Variants in SH3GL2 observed in about 807,000 individuals in gnomAD.
SH3GL2 encodes SH3 domain containing GRB2 like 2, endophilin A1.
Under a neutral mutation model 46.0 loss-of-function variants are expected in SH3GL2, and 24 were observed. The ratio of observed to expected loss-of-function variants is 0.52; its 90% CI spans 0.38 to 0.73. SH3GL2 has a LOEUF of 0.73. SH3GL2 is among the 30% of genes least tolerant of loss of function. The pLI is 0.00. For synonymous variants in SH3GL2, 196 were observed against 147.1 expected (o/e 1.33, Z -2.40); for missense variants, 413 against 424.2 (o/e 0.97, Z 0.23).
chr9:17,593,753 AG>A (rs1464655953), intron 1 of SH3GL2, among the ~76,000 whole-genome samples: 1 of 152,180 alleles, frequency 6.6e-6, no homozygotes, highest in African/African-American at 2.4e-5. Context: ...TTCAGAAAGG[AG>A]GTAGACATGT....
chr9:17,642,539 A>G (rs1819709820), intron 1 of SH3GL2, among the ~76,000 whole-genome samples: 1 of 152,208 alleles, frequency 6.6e-6, no homozygotes, highest in South Asian at 2.1e-4. Flanking sequence ...ATAAGTTGTA[A>G]GGAAGGGGTC....
intron 1 of SH3GL2, among the ~76,000 whole-genome samples, chr9:17,599,731 G>A (rs1353772029): frequency 3.3e-5 from 5 of 152,168 alleles, no homozygotes; most frequent in Admixed American, 6.5e-5. Flanking sequence ...ATGTAAAATT[G>A]TGGGTGTGGC....
rs576168976 is a variant in SH3GL2 at position 17,607,796 on chromosome 9, C to T, written c.45+28509C>T. On this transcript the variant is annotated intron_variant, in intron 1 of 8. Coordinates refer to ENST00000380607, the MANE Select transcript of SH3GL2 (RefSeq NM_003026.5). ...CTTTTTGATTGTGTTTTGTTTCATCCGTAGCAGAATTGCCTAGATTGAAAT... is the reference window on the plus strand; with the variant it reads ...CTTTTTGATTGTGTTTTGTTTCATCTGTAGCAGAATTGCCTAGATTGAAAT... Among the ~76,000 whole-genome samples the T allele has an allele frequency of 7.9e-5, 12 of 152,088 alleles. No homozygotes were observed. The East Asian group carries it at 9.7e-4, about 12-fold the overall frequency.
chr9:17,701,671 A>T lies in SH3GL2; in HGVS notation c.46-45395A>T, dbSNP rs576311980. On this transcript the variant is annotated intron_variant, in intron 1 of 8. Coordinates refer to ENST00000380607, the MANE Select transcript of SH3GL2 (RefSeq NM_003026.5). ...CCTACATAGATGCGAACAGCCACCAATTAGAAGATATCGTGGAAGGAAAGA... is the reference window on the plus strand; with the variant it reads ...CCTACATAGATGCGAACAGCCACCATTTAGAAGATATCGTGGAAGGAAAGA... 2.6e-5 allele frequency among the ~76,000 whole-genome samples: 4 copies of T among 152,318 alleles called. 1 individual carries two copies. The highest frequency in any genetic ancestry group is 9.6e-5 in the African/African-American group (4 of 41,576).
intron 1 of SH3GL2, among the ~76,000 whole-genome samples, chr9:17,641,179 T>A (rs1434629638): frequency 6.6e-6 from 1 of 152,160 alleles, no homozygotes; most frequent in Admixed American, 6.5e-5. Context: ...GAGTTGAATA[T>A]TATAGTTTAG....
intron 3 of SH3GL2, among the ~76,000 whole-genome samples, chr9:17,767,758 T>C (rs998510906): frequency 7.9e-5 from 12 of 152,128 alleles, no homozygotes; most frequent in Admixed American, 3.3e-4. Flanking sequence ...ATAATCAAAA[T>C]GCATAAAGGA....
intron 1 of SH3GL2, among the ~76,000 whole-genome samples, chr9:17,580,248 C>T (rs1818253050): frequency 6.6e-6 from 1 of 152,070 alleles, no homozygotes; most frequent in Admixed American, 6.6e-5. Context: ...TGACTTACCG[C>T]GAAATGTTTT....
intron 1 of SH3GL2, among the ~76,000 whole-genome samples, chr9:17,610,014 G>C (rs146333564): frequency 9.7e-4 from 148 of 152,232 alleles, no homozygotes; most frequent in African/African-American, 3.3e-3. Context: ...AGACTCCTTG[G>C]TACCACCAAA....
At chr9:17,793,964 G>T (rs1381534637) in intron 8 of SH3GL2, among the ~76,000 whole-genome samples, 1 of 152,220 alleles carries the variant, frequency 6.6e-6, no homozygotes, top group East Asian at 1.9e-4. Context: ...TGATGAGCTG[G>T]ATTTCTTGAG....
At chr9:17,629,887 A>G (rs1043508895) in intron 1 of SH3GL2, among the ~76,000 whole-genome samples, 5 of 152,078 alleles carry the variant, frequency 3.3e-5, no homozygotes, top group African/African-American at 1.2e-4. Context: ...TTTTTTCTGT[A>G]TATATTTTGG....
chr9:17,739,758 C>T (rs920714886), intron 1 of SH3GL2, among the ~76,000 whole-genome samples: 1 of 152,086 alleles, frequency 6.6e-6, no homozygotes, highest in East Asian at 1.9e-4. Flanking sequence ...TCTGCATGAT[C>T]CCTCTATTAT....
chr9:17,681,915 A>G (rs779452463), intron 1 of SH3GL2, among the ~76,000 whole-genome samples: 2 of 152,232 alleles, frequency 1.3e-5, no homozygotes, highest in Non-Finnish European at 2.9e-5. Flanking sequence ...TCAAAAGAAG[A>G]CATGTGGCCA....
At chr9:17,599,349 G>A (rs186567612) in intron 1 of SH3GL2, among the ~76,000 whole-genome samples, 1 of 152,272 alleles carries the variant, frequency 6.6e-6, no homozygotes, top group East Asian at 1.9e-4. Flanking sequence ...TGACTAATGG[G>A]ATTAAGATTT....
At chr9:17,594,634 C>A (rs562835705) in intron 1 of SH3GL2, among the ~76,000 whole-genome samples, 1 of 151,858 alleles carries the variant, frequency 6.6e-6, no homozygotes, top group Non-Finnish European at 1.5e-5. Flanking sequence ...TATCCTGGAA[C>A]TTAAAGTAAA....
Position 17,662,720 on chromosome 9 carries a change from T to C in SH3GL2, c.45+83433T>C, listed in dbSNP as rs1023813087. ...GGCCAAGTCTTTTTTTTTTTTTTTT[T>C]TTTTTTGAGACAGAGTCTTGCTCTT... On this transcript the variant is annotated intron_variant, in intron 1 of 8. Transcript: ENST00000380607. Among the ~76,000 whole-genome samples the C allele has an allele frequency of 1.0e-2, 1,473 of 147,744 alleles. 20 individuals carry two copies. The highest frequency in any genetic ancestry group is 0.035 in the African/African-American group (1,403 of 39,858).
At chr9:17,787,219 A>T (rs1446886259) in intron 4 of SH3GL2, among the ~76,000 whole-genome samples, 161 bp from the exon 5 acceptor site, 1 of 152,126 alleles carries the variant, frequency 6.6e-6, no homozygotes. Flanking sequence ...GGGGGCATTG[A>T]GTCTGTTGCC....
intron 3 of SH3GL2, among the ~76,000 whole-genome samples, chr9:17,775,568 T>G (rs1823619271): frequency 6.6e-6 from 1 of 152,188 alleles, no homozygotes; most frequent in African/African-American, 2.4e-5. Context: ...CTTTCTAAGT[T>G]TCTGGACCAG....
At chr9:17,738,557 T>C (rs1822415074) in intron 1 of SH3GL2, among the ~76,000 whole-genome samples, 1 of 26,560 alleles carries the variant, frequency 3.8e-5, no homozygotes, top group Non-Finnish European at 8.0e-5. Flanking sequence ...TGTGTGTGTA[T>C]ATACATACAT....
intron 1 of SH3GL2, among the ~76,000 whole-genome samples, chr9:17,646,980 C>T (rs754133119): frequency 1.2e-4 from 19 of 152,124 alleles, no homozygotes; most frequent in Non-Finnish European, 2.2e-4. Flanking sequence ...CCCACAGCCA[C>T]CCCTTCCCCC....
Sources: gnomAD v4.1 joint callset for allele counts (sites outside exome capture counted in the v4.1 genomes callset) on GRCh38, gnomAD v4.1.1 for gene constraint, MANE v1.5 for transcripts, NCBI Gene and HGNC (gene_info 2026-07-23, HGNC 2026-07-21) for gene names.